Variants in CEP72 observed in about 807,000 individuals in gnomAD.
CEP72 encodes centrosomal protein 72.
Under a neutral mutation model 65.7 loss-of-function variants are expected in CEP72, and 78 were observed. The ratio of observed to expected loss-of-function variants is 1.19; its 90% CI spans 0.99 to 1.43. The LOEUF (loss-of-function observed/expected upper bound fraction) is 1.43, where lower values mean the gene tolerates loss of function less well. Ranked by LOEUF, CEP72 falls within the 40% of genes most tolerant of loss-of-function variation. The pLI is 0.00. For missense variants in CEP72, 914 were observed against 832.9 expected (o/e 1.10, Z -1.20); for synonymous variants, 358 against 351.7 (o/e 1.02, Z -0.20).
At chr5:654,319 C>G, downstream of CEP72, among the ~76,000 whole-genome samples, 1 of 143,374 alleles carries the variant, frequency 7.0e-6, no homozygotes, top group South Asian at 2.3e-4. Flanking sequence ...GCTGTGTGTA[C>G]GCTTGTGTGT....
rs1405244753 is a variant in CEP72 at position 648,366 on chromosome 5, GTGTGACCA to G, written c.1778+451_1778+458del. 2.1e-3 allele frequency among the ~76,000 whole-genome samples: 282 copies of G among 135,146 alleles called. 1 individual carries two copies. The highest frequency in any genetic ancestry group is 8.0e-3 in the African/African-American group (264 of 33,082). The allele number at this position is 135,146 out of a possible 152,430, so 88.7% of individuals were successfully genotyped here. On this transcript the variant is annotated intron_variant, in intron 11 of 11. Coordinates refer to ENST00000264935, the MANE Select transcript of CEP72 (RefSeq NM_018140.4). ...TGTGACTGTGAGGTGTGACTGTGAG[GTGTGACCA>G]CGAGGCATGGACTGTGAGATGGGAC...
At chr5:667,893 CGTGTGG>C (rs1739993543), downstream of CEP72, among the ~76,000 whole-genome samples, 3 of 81,542 alleles carry the variant, frequency 3.7e-5, no homozygotes, top group Non-Finnish European at 6.7e-5. Context: ...GAGAGGGGGC[CGTGTGG>C]GCGCCGTCAG....
chr5:667,225 G>A (rs1180296462), downstream of CEP72: 1 of 152,210 alleles, frequency 6.6e-6, no homozygotes, highest in Non-Finnish European at 1.5e-5. Context: ...CGTGGGCACG[G>A]GCACGCGGCC....
the CEP72 span, among the ~76,000 whole-genome samples, chr5:675,099 T>C: frequency 3.9e-3 from 23 of 5,908 alleles, no homozygotes; most frequent in Admixed American, 5.5e-3. Context: ...TTCAGTGTGG[T>C]CAGGGGTGCA....
intron 4 of CEP72, among the ~76,000 whole-genome samples, chr5:628,866 C>T (rs1579957005): frequency 1.2e-5 from 1 of 82,386 alleles, no homozygotes; most frequent in South Asian, 3.9e-4. Flanking sequence ...CTTTGTGCAG[C>T]GTTCTGGAGA....
chr5:621,511 T>A (rs898847715), intron 3 of CEP72, among the ~76,000 whole-genome samples: 2 of 152,226 alleles, frequency 1.3e-5, no homozygotes. Context: ...GAGGGCCAGC[T>A]GGGGTTTTGC....
At chr5:675,336 T>C in the CEP72 span, among the ~76,000 whole-genome samples, 1 of 19,914 alleles carries the variant, frequency 5.0e-5, no homozygotes, top group African/African-American at 2.1e-4. Flanking sequence ...GGGTGCAGTG[T>C]GGCTGGGGGT....
intron 11 of CEP72, 90 bp from the exon 12 acceptor site, chr5:652,898 A>G: frequency 7.2e-7 from 1 of 1,392,490 alleles, no homozygotes; most frequent in Non-Finnish European, 9.5e-7. Flanking sequence ...CTTCGTGCCC[A>G]TGCAGGGAGG....
At chr5:671,380 G>T (rs1465647102), downstream of CEP72, among the ~76,000 whole-genome samples, 1 of 152,196 alleles carries the variant, frequency 6.6e-6, no homozygotes, top group African/African-American at 2.4e-5. Context: ...TCTCTAGGGG[G>T]CCCCAGGGGC....
chr5:634,426 C>G (rs1002054390), intron 5 of CEP72, among the ~76,000 whole-genome samples: 1 of 152,212 alleles, frequency 6.6e-6, no homozygotes, highest in Non-Finnish European at 1.5e-5. Flanking sequence ...TTCATTTATT[C>G]CACCTCCGCT....
At chr5:639,463 G>A (rs1561050687) in intron 8 of CEP72, among the ~76,000 whole-genome samples, 1 of 152,244 alleles carries the variant, frequency 6.6e-6, no homozygotes, top group Non-Finnish European at 1.5e-5. Flanking sequence ...GTGCTCTGGG[G>A]TGTTGGGGGG....
At chr5:667,681 G>C (rs544312622), downstream of CEP72, among the ~76,000 whole-genome samples, 2 of 152,148 alleles carry the variant, frequency 1.3e-5, 1 homozygote, top group African/African-American at 4.8e-5. Context: ...ATACACAAAG[G>C]AACCTTAAAA....
At chr5:655,927 A>G (rs1739366241), downstream of CEP72, among the ~76,000 whole-genome samples, 3 of 152,190 alleles carry the variant, frequency 2.0e-5, no homozygotes, top group African/African-American at 2.4e-5. This position sits in a 1 kb window ranked among gnomAD's most constrained non-coding sequence, Gnocchi z 5.0. Context: ...ATATGGCCCA[A>G]TGTATCAATA....
exon 4 of CEP72, chr5:665,959 G>T: frequency 2.5e-6 from 1 of 403,630 alleles, no homozygotes; most frequent in African/African-American, 4.6e-5. Flanking sequence ...TTCCATCCCC[G>T]CCCTGCTCAC....
In CEP72 at chr5:624,131, G is replaced by C. The variant is rs550922912; in HGVS notation, c.404-340G>C. 1.3e-5 allele frequency among the ~76,000 whole-genome samples: 2 copies of C among 152,214 alleles called. No homozygotes were observed. The highest frequency in any genetic ancestry group is 2.9e-5 in the Non-Finnish European group (2 of 68,034). Reference sequence around the variant, plus strand: ...CTCTCGGGCCGGGCAGGCTCCCTCCGTGGAGGCTTCTCTGGGTTACCTGAG... The same window carrying C: ...CTCTCGGGCCGGGCAGGCTCCCTCCCTGGAGGCTTCTCTGGGTTACCTGAG... On this transcript the variant is annotated intron_variant, in intron 3 of 11. Transcript: ENST00000264935. The surrounding 1 kb of genome is among the most constrained non-coding windows in gnomAD (Gnocchi z 4.7).
At chr5:673,709 G>A in the CEP72 span, among the ~76,000 whole-genome samples, 3 of 152,284 alleles carry the variant, frequency 2.0e-5, no homozygotes, top group South Asian at 6.2e-4. Context: ...GCTGGTCCCC[G>A]GCCCCACACT....
chr5:619,260 C>G, intron 2 of CEP72, 143 bp downstream of exon 2: 1 of 716,956 alleles, frequency 1.4e-6, no homozygotes. Flanking sequence ...TTGTGTTTAC[C>G]GTGGGCTACA....
At chr5:675,537 A>AGTGTGAGCAGGGG in the CEP72 span, among the ~76,000 whole-genome samples, 2 of 27,048 alleles carry the variant, frequency 7.4e-5, no homozygotes, top group African/African-American at 3.0e-4. Flanking sequence ...GTGGCCGGGG[A>AGTGTGAGCAGGGG]TGCCGTGTGG....
chr5:665,774 A>G (rs1372083275), intron 3 of CEP72, among the ~76,000 whole-genome samples: 1 of 125,064 alleles, frequency 8.0e-6, no homozygotes, highest in East Asian at 2.7e-4. Flanking sequence ...GCTATGCCCC[A>G]TTCATGCCCC....
Sources: gnomAD v4.1 joint callset for allele counts (sites outside exome capture counted in the v4.1 genomes callset) on GRCh38, gnomAD v4.1.1 for gene constraint, Gnocchi (gnomAD v3.1) non-coding constraint, MANE v1.5 for transcripts, NCBI Gene and HGNC (gene_info 2026-07-23, HGNC 2026-07-21) for gene names.